DPY19L3: variants seen among roughly 807,000 people sequenced by gnomAD.
DPY19L3 encodes protein C-mannosyl-transferase DPY19L3.
DPY19L3 carries 51 observed loss-of-function variants against 92.3 expected under a neutral mutation model. The observed-to-expected ratio is 0.55, with a 90% confidence interval of 0.44 to 0.70. The LOEUF is 0.70. DPY19L3 is among the 30% of genes least tolerant of loss of function. The pLI, the probability that DPY19L3 is intolerant of heterozygous loss-of-function variation, is 0.00. For synonymous variants in DPY19L3, 309 were observed against 315.2 expected (o/e 0.98, Z 0.21); for missense variants, 706 against 855.9 (o/e 0.82, Z 2.18).
chr19:32,467,339 T>G (rs1970231310), intron 15 of DPY19L3: 1 of 669,840 alleles, frequency 1.5e-6, no homozygotes, highest in African/African-American at 2.0e-5. Flanking sequence ...ATGTTTATAC[T>G]GTAAGAATTA....
Position 32,436,705 on chromosome 19 carries a change from G to A in DPY19L3, c.450+138G>A, listed in dbSNP as rs148316673. The A allele has an allele frequency of 1.3e-3, 1,048 of 797,538 alleles. 8 individuals carry two copies. The African/African-American group carries it at 0.016, about 12-fold the overall frequency. The allele number at this position is 797,538 out of a possible 1,614,324, so 49.4% of individuals were successfully genotyped here. On this transcript the variant is annotated intron_variant, in intron 5 of 18. Coordinates refer to ENST00000392250, the MANE Select transcript of DPY19L3 (RefSeq NM_001172774.2). ...CAGCAATACTATATTTTTTTTCCATGTATATTATGAACTTTATAAGATACT... is the reference window on the plus strand; with the variant it reads ...CAGCAATACTATATTTTTTTTCCATATATATTATGAACTTTATAAGATACT...
At chr19:32,441,833 T>A (rs1488874845) in intron 8 of DPY19L3, among the ~76,000 whole-genome samples, 1 of 152,154 alleles carries the variant, frequency 6.6e-6, no homozygotes, top group African/African-American at 2.4e-5. Context: ...AAAGCAAAGG[T>A]ACTGTTTTGG....
chr19:32,472,145 G>GT (rs1258809743), intron 16 of DPY19L3, among the ~76,000 whole-genome samples: 1 of 151,986 alleles, frequency 6.6e-6, no homozygotes, highest in Non-Finnish European at 1.5e-5. Flanking sequence ...CAGTGGGAAA[G>GT]TTTTTTTTAG....
intron 12 of DPY19L3, among the ~76,000 whole-genome samples, chr19:32,460,159 C>T (rs1254841323): frequency 6.6e-6 from 1 of 151,782 alleles, no homozygotes; most frequent in Non-Finnish European, 1.5e-5. Context: ...AATCCCAGTG[C>T]TTTGGGAGGT....
At chr19:32,460,464 C>G (rs1970002162) in intron 12 of DPY19L3, among the ~76,000 whole-genome samples, 1 of 152,072 alleles carries the variant, frequency 6.6e-6, no homozygotes, top group Non-Finnish European at 1.5e-5. Context: ...CTATATAGGG[C>G]AGTTTTCATA....
At chr19:32,419,191 C>T (rs1474316457) in intron 3 of DPY19L3, among the ~76,000 whole-genome samples, 4 of 148,218 alleles carry the variant, frequency 2.7e-5, no homozygotes, top group African/African-American at 1.0e-4. Context: ...GACAGAGTCT[C>T]GCTGTGTCGC....
chr19:32,451,453 T>C (rs1375048867), intron 8 of DPY19L3, among the ~76,000 whole-genome samples: 3 of 152,188 alleles, frequency 2.0e-5, no homozygotes, highest in Admixed American at 2.0e-4. Context: ...TCAGCATCCA[T>C]TTCCCTGAGT....
intron 3 of DPY19L3, among the ~76,000 whole-genome samples, chr19:32,417,673 C>T (rs1377350393): frequency 6.6e-6 from 1 of 152,186 alleles, no homozygotes; most frequent in Non-Finnish European, 1.5e-5. Flanking sequence ...CTGCCTGCCG[C>T]CATGTAAGAC....
chr19:32,480,661 T>C, intron 18 of DPY19L3, 104 bp downstream of exon 18: 1 of 1,361,124 alleles, frequency 7.3e-7, no homozygotes, highest in Non-Finnish European at 9.8e-7. Flanking sequence ...CTAGTTGAAT[T>C]ACGCTACGAA....
chr19:32,422,629 AACACACACAC>A (rs66481682), intron 3 of DPY19L3, among the ~76,000 whole-genome samples: 106 of 146,826 alleles, frequency 7.2e-4, no homozygotes, highest in African/African-American at 2.2e-3. Context: ...AATCAGGAAA[AACACACACAC>A]ACACACACAC....
chr19:32,428,050 C>G (rs900802191), intron 3 of DPY19L3: 4 of 146,182 alleles, frequency 2.7e-5, no homozygotes, highest in African/African-American at 1.0e-4. Context: ...CAGCTGACTG[C>G]AACTTCCACC....
At chr19:32,425,233 A>C (rs1170600925) in intron 3 of DPY19L3, among the ~76,000 whole-genome samples, 1 of 152,218 alleles carries the variant, frequency 6.6e-6, no homozygotes, top group African/African-American at 2.4e-5. Flanking sequence ...GGTGTTCATC[A>C]AAATTAGACA....
chr19:32,481,871 G>A (rs34610265), intron 18 of DPY19L3: 33,308 of 570,278 alleles, frequency 0.058, 2,360 homozygotes, highest in East Asian at 0.32. Flanking sequence ...ATCGTGTGAC[G>A]CTGCACTCTC....
chr19:32,409,371 C>T (rs74490522), intron 2 of DPY19L3, among the ~76,000 whole-genome samples: 7,475 of 152,220 alleles, frequency 0.049, 476 homozygotes, highest in Admixed American at 0.18. Flanking sequence ...AGCCAGTTAA[C>T]GTATTTTTGA....
rs756422880 is a variant in DPY19L3 at position 32,445,468 on chromosome 19, A to G, written c.855+5558A>G. ...AAAAAAAAAAAAAAAAAAACCATCA[A>G]CCTACACTCCTATACCTAGTTAAAA... is the stretch of plus-strand genomic sequence containing the variant. On this transcript the variant is annotated intron_variant, in intron 8 of 18. Transcript: ENST00000392250. Among the ~76,000 whole-genome samples, 164 of 147,118 alleles carry G rather than the reference A, an allele frequency of 1.1e-3. 1 individual carries two copies. The highest frequency in any genetic ancestry group is 2.2e-3 in the Non-Finnish European group (145 of 67,076).
intron 16 of DPY19L3, among the ~76,000 whole-genome samples, chr19:32,470,781 CTTTTT>C (rs71336911): frequency 3.3e-5 from 3 of 91,210 alleles, no homozygotes; most frequent in African/African-American, 8.9e-5. Flanking sequence ...ATTCCTTTGG[CTTTTT>C]TTTTTTTTTT....
At chr19:32,459,164 T>C (rs1341242571) in intron 12 of DPY19L3, among the ~76,000 whole-genome samples, 1 of 152,166 alleles carries the variant, frequency 6.6e-6, no homozygotes, top group Non-Finnish European at 1.5e-5. Context: ...TAAGTATATC[T>C]ACCAATCTAC....
At chr19:32,455,596 G>C (rs979901867) in intron 10 of DPY19L3, among the ~76,000 whole-genome samples, 4 of 152,050 alleles carry the variant, frequency 2.6e-5, no homozygotes, top group Admixed American at 6.5e-5. Flanking sequence ...ATTGAGTTCA[G>C]TTAATAAGTA....
chr19:32,444,034 CAAAAAAAAAA>C (rs61073758), intron 8 of DPY19L3, among the ~76,000 whole-genome samples: 2 of 129,936 alleles, frequency 1.5e-5, no homozygotes, highest in African/African-American at 2.9e-5. Context: ...GACTCTGTCT[CAAAAAAAAAA>C]AAAAGAAAAA....
Sources: gnomAD v4.1 joint callset for allele counts (sites outside exome capture counted in the v4.1 genomes callset) on GRCh38, gnomAD v4.1.1 for gene constraint, MANE v1.5 for transcripts, NCBI Gene and HGNC (gene_info 2026-07-23, HGNC 2026-07-21) for gene names.